Variants in NBAS observed in about 807,000 individuals in gnomAD.
NBAS encodes NBAS subunit of NRZ tethering complex.
Under a neutral mutation model 302.5 loss-of-function variants are expected in NBAS, and 219 were observed. That is an observed-to-expected ratio of 0.72 (90% CI 0.65 to 0.81). The LOEUF (loss-of-function observed/expected upper bound fraction) is 0.81. NBAS is among the 30% of genes least tolerant of loss of function. NBAS has a pLI of 0.00. For synonymous variants in NBAS, 1,118 were observed against 1,021.6 expected, an observed-to-expected ratio of 1.09 and a Z score of -1.80; for missense variants, 2,932 against 2,841.6, an observed-to-expected ratio of 1.03 and a Z score of -0.72.
chr2:15,096,252 T>C, the NBAS span, among the ~76,000 whole-genome samples: 2 of 152,198 alleles, frequency 1.3e-5, no homozygotes, highest in South Asian at 4.1e-4. Context: ...TGGCTGGCCC[T>C]TTAAAACAAG....
At chr2:15,288,940 T>C (rs1316714595) in intron 41 of NBAS, among the ~76,000 whole-genome samples, 1 of 152,268 alleles carries the variant, frequency 6.6e-6, no homozygotes, top group Non-Finnish European at 1.5e-5. Context: ...CTTTTGTTTT[T>C]GTTTTTGTGT....
the NBAS span, among the ~76,000 whole-genome samples, chr2:15,035,117 T>G: frequency 7.9e-4 from 84 of 106,014 alleles, no homozygotes; most frequent in South Asian, 2.7e-3. Flanking sequence ...GAGTGTGGGG[T>G]TTTTTTTTTT....
chr2:15,432,821 C>G (rs1677828800), intron 21 of NBAS, among the ~76,000 whole-genome samples: 1 of 152,110 alleles, frequency 6.6e-6, no homozygotes, highest in South Asian at 2.1e-4. Context: ...AATTAAAAAG[C>G]TAGTTATCAC....
chr2:15,368,044 C>G (rs1674296594), intron 31 of NBAS, among the ~76,000 whole-genome samples: 1 of 152,070 alleles, frequency 6.6e-6, no homozygotes, highest in Non-Finnish European at 1.5e-5. Context: ...CACATATATA[C>G]AAGTGCATAT....
the NBAS span, among the ~76,000 whole-genome samples, chr2:15,103,830 T>A: frequency 6.6e-6 from 1 of 152,126 alleles, no homozygotes; most frequent in African/African-American, 2.4e-5. Flanking sequence ...CTTACTTCTA[T>A]CACATGGCTA....
intron 38 of NBAS, among the ~76,000 whole-genome samples, chr2:15,313,912 TGACTC>T (rs1671389888): frequency 2.0e-5 from 3 of 152,224 alleles, no homozygotes; most frequent in Admixed American, 6.5e-5. Context: ...TAGGAAACTA[TGACTC>T]AGACATTAAC....
At chr2:15,036,586 G>T in the NBAS span, among the ~76,000 whole-genome samples, 1 of 152,214 alleles carries the variant, frequency 6.6e-6, no homozygotes, top group East Asian at 1.9e-4. Flanking sequence ...AGCTACAGAA[G>T]GTCTCAAGAT....
chr2:14,836,006 A>C, the NBAS span, among the ~76,000 whole-genome samples: 1 of 151,926 alleles, frequency 6.6e-6, no homozygotes, highest in Non-Finnish European at 1.5e-5. Context: ...AGCTATTCTG[A>C]TGGGTGTATA....
At chr2:14,879,847 G>A in the NBAS span, among the ~76,000 whole-genome samples, 1 of 152,318 alleles carries the variant, frequency 6.6e-6, no homozygotes, top group South Asian at 2.1e-4. Flanking sequence ...CATACTCCTA[G>A]AGGTGGAGAA....
the NBAS span, among the ~76,000 whole-genome samples, chr2:15,101,580 G>T: frequency 1.3e-5 from 2 of 152,016 alleles, no homozygotes; most frequent in African/African-American, 4.8e-5. Context: ...ACTTTGAGTT[G>T]GGGCAGGGGC....
At chr2:14,826,495 A>G in the NBAS span, among the ~76,000 whole-genome samples, 1 of 152,206 alleles carries the variant, frequency 6.6e-6, no homozygotes, top group Admixed American at 6.5e-5. Context: ...CCATGTAGGG[A>G]TTTGAAAAAA....
At chr2:15,167,405 C>G (rs1664081357) in intron 51 of NBAS, 82 bp from the exon 52 acceptor site, 3 of 1,524,876 alleles carry the variant, frequency 2.0e-6, no homozygotes, top group Non-Finnish European at 1.8e-6. Context: ...CTCCACTGGG[C>G]TGCCTTCATC....
At chr2:15,312,327 T>C (rs1016009912) in intron 38 of NBAS, among the ~76,000 whole-genome samples, 2 of 152,174 alleles carry the variant, frequency 1.3e-5, no homozygotes, top group Non-Finnish European at 2.9e-5. Flanking sequence ...CAGGCTGTAG[T>C]AGAATGGGAC....
the NBAS span, among the ~76,000 whole-genome samples, chr2:15,143,740 T>G: frequency 2.6e-5 from 4 of 152,012 alleles, no homozygotes; most frequent in African/African-American, 9.7e-5. Flanking sequence ...CCACAGAGAT[T>G]AACATTTGAG....
At chr2:14,840,273 T>C in the NBAS span, among the ~76,000 whole-genome samples, 1 of 151,822 alleles carries the variant, frequency 6.6e-6, no homozygotes, top group East Asian at 1.9e-4. Context: ...GAAAATCACC[T>C]ACAAGATATA....
At chr2:15,138,359 T>C in the NBAS span, among the ~76,000 whole-genome samples, 1 of 152,212 alleles carries the variant, frequency 6.6e-6, no homozygotes, top group African/African-American at 2.4e-5. Flanking sequence ...GTCCAGGTGG[T>C]GCAGGATGGG....
chr2:15,163,657 C>T (rs6732271), downstream of NBAS, among the ~76,000 whole-genome samples: 36,138 of 152,158 alleles, frequency 0.24, 4,673 homozygotes, highest in African/African-American at 0.34. Flanking sequence ...CCATAATAAT[C>T]ATTGTCTACA....
intron 19 of NBAS, among the ~76,000 whole-genome samples, chr2:15,464,917 C>G (rs1157193772): frequency 6.6e-6 from 1 of 152,220 alleles, no homozygotes; most frequent in Non-Finnish European, 1.5e-5. Flanking sequence ...TGGGCCTTTA[C>G]ATGGCACACT....
chr2:14,984,231 C>T, the NBAS span, among the ~76,000 whole-genome samples: 1 of 152,058 alleles, frequency 6.6e-6, no homozygotes, highest in African/African-American at 2.4e-5. Flanking sequence ...CCTTTAACTC[C>T]ACGCCCTGAC....
Sources: gnomAD v4.1 joint callset for allele counts (sites outside exome capture counted in the v4.1 genomes callset) on GRCh38, gnomAD v4.1.1 for gene constraint, MANE v1.5 for transcripts, NCBI Gene and HGNC (gene_info 2026-07-23, HGNC 2026-07-21) for gene names.